The following TLN2 variants were observed in gnomAD, a reference collection of about 807,000 sequenced individuals.
TLN2 encodes talin-2.
TLN2 carries 118 observed loss-of-function variants against 294.7 expected under a neutral mutation model. The ratio of observed to expected loss-of-function variants is 0.40; its 90% confidence interval spans 0.34 to 0.47. The LOEUF is 0.47. TLN2 is among the 20% of genes least tolerant of loss of function. The pLI, the probability that TLN2 is intolerant of heterozygous loss-of-function variation, is 0.84. For synonymous variants in TLN2, 1,431 were observed against 1,304.5 expected, an observed-to-expected ratio of 1.10 and a Z score of -2.09; for missense variants, 3,083 against 3,282.2, an observed-to-expected ratio of 0.94 and a Z score of 1.48.
intron 32 of TLN2, among the ~76,000 whole-genome samples, chr15:62,743,563 C>T (rs1399741742): frequency 5.3e-5 from 8 of 152,040 alleles, no homozygotes; most frequent in Admixed American, 1.3e-4. Context: ...ATTTTCTTCC[C>T]GTGTAACTGT....
chr15:62,560,549 A>G (rs973287633), intron 1 of TLN2, among the ~76,000 whole-genome samples: 1 of 152,014 alleles, frequency 6.6e-6, no homozygotes, highest in Non-Finnish European at 1.5e-5. Flanking sequence ...CTGGTCTCGA[A>G]CTCTTGACCT....
chr15:62,551,809 A>T (rs2042328728), intron 1 of TLN2, among the ~76,000 whole-genome samples: 1 of 152,232 alleles, frequency 6.6e-6, no homozygotes, highest in Non-Finnish European at 1.5e-5. Context: ...TTTTCAGTAG[A>T]GCTTTTAACT....
At chr15:62,672,333 A>G (rs911255965) in intron 9 of TLN2, among the ~76,000 whole-genome samples, 9 of 152,170 alleles carry the variant, frequency 5.9e-5, no homozygotes, top group Non-Finnish European at 8.8e-5. Context: ...TTTTTAAAAA[A>G]ATCTTTGTAG....
rs1006297915 is a variant in TLN2, at chr15:62,557,992, C to A, written c.-237-31695C>A. Reference sequence around the variant, plus strand: ...AGTGGACTGCAGGGTTGTACAGCTCCTGATCTCATTGCCTATTTCAGCCAA... The same window carrying A: ...AGTGGACTGCAGGGTTGTACAGCTCATGATCTCATTGCCTATTTCAGCCAA... On this transcript the variant is annotated intron_variant, in intron 1 of 58. Coordinates refer to ENST00000636159, the MANE Select transcript of TLN2 (RefSeq NM_015059.3). Among the ~76,000 whole-genome samples the A allele has an allele frequency of 1.1e-4, 16 of 152,222 alleles. No individual in the cohort carries two copies. The South Asian group carries it at 2.3e-3, about 22-fold the overall frequency.
chr15:62,689,846 CTTTTTTTTTTTTTTTT>C lies in TLN2; in HGVS notation c.1114-2978_1114-2963del, dbSNP rs1158144919. 1.9e-3 allele frequency among the ~76,000 whole-genome samples: 30 copies of C among 15,416 alleles called. 1 individual carries two copies. Among genetic ancestry groups the C allele is most frequent in the South Asian group, 5.4e-3 (1 of 186 alleles). 10.1% of individuals were successfully genotyped at this position (15,416 alleles called of 152,430 possible). On this transcript the variant is annotated intron_variant, in intron 12 of 58. Transcript: ENST00000636159. ...TTTTCAAAATTCTTGGTATGGGCTT[CTTTTTTTTTTTTTTTT>C]TTTTTTTTTTTTTTTATTGGCTGAC...
chr15:62,767,883 C>G (rs1051432879), intron 41 of TLN2, among the ~76,000 whole-genome samples: 1 of 152,160 alleles, frequency 6.6e-6, no homozygotes, highest in Non-Finnish European at 1.5e-5. Flanking sequence ...CATGTCTCTG[C>G]GGATACTTCA....
At chr15:62,575,236 C>G (rs371650145) in intron 1 of TLN2, among the ~76,000 whole-genome samples, 6 of 152,258 alleles carry the variant, frequency 3.9e-5, no homozygotes, top group East Asian at 1.9e-4. Context: ...GGGAGGATCG[C>G]TTGAGCCTTG....
chr15:62,542,660 A>G (rs1213098587), intron 1 of TLN2, among the ~76,000 whole-genome samples: 1 of 152,040 alleles, frequency 6.6e-6, no homozygotes, highest in East Asian at 1.9e-4. Context: ...AAGTCCAACC[A>G]TGGGGTGTGT....
At position 62,748,343 on chromosome 15, in the gene TLN2, T is replaced by C. The variant is rs1379752945; in HGVS notation, c.4026-8T>C. On this transcript the variant is annotated splice_polypyrimidine_tract_variant and splice_region_variant and intron_variant, in intron 32 of 58. Transcript: ENST00000636159. ...AAAAAAAAAAAAAAAATTCTGTTTC[T>C]GTCACAGAGCTGTGACAGAGAGCAT... 1 of 1,591,300 alleles carries C rather than the reference T, an allele frequency of 6.3e-7. No individual in the cohort carries two copies.
At chr15:62,647,612 T>G (rs1247527277) in intron 4 of TLN2, among the ~76,000 whole-genome samples, 166 bp downstream of exon 4, 1 of 150,984 alleles carries the variant, frequency 6.6e-6, no homozygotes, top group Non-Finnish European at 1.5e-5. Context: ...GTGAGACTTG[T>G]GATTACAGTG....
intron 28 of TLN2, among the ~76,000 whole-genome samples, chr15:62,730,154 G>T (rs553111694): frequency 6.9e-6 from 1 of 144,756 alleles, no homozygotes; most frequent in South Asian, 2.3e-4. Flanking sequence ...TCAGCCTCCT[G>T]CCTCAGCCTC....
chr15:62,805,664 A>C lies in TLN2; in HGVS notation c.6542A>C (p.Lys2181Thr). Residue 2181 changes from lysine (K) to threonine (T), a missense_variant, in exon 51 of 59, where the codon AAA becomes ACA. Lys to Thr is a moderately conservative substitution (Grantham distance 78). Coordinates refer to ENST00000636159, the MANE Select transcript of TLN2 (RefSeq NM_015059.3). ...CCTGAAGAATCCATAAGGATGACGAAAGGCATCACCATGGCAACAGCCAAA... is the reference window on the plus strand; with the variant it reads ...CCTGAAGAATCCATAAGGATGACGACAGGCATCACCATGGCAACAGCCAAA... ...SSPEESIRMT[K>T]GITMATAKAV... 1 of 1,614,186 alleles carries C rather than the reference A, an allele frequency of 6.2e-7. No individual in the cohort carries two copies. The highest frequency in any genetic ancestry group is 8.5e-7 in the Non-Finnish European group (1 of 1,180,014).
chr15:62,395,047 C>T (rs921360682), intron 1 of TLN2, among the ~76,000 whole-genome samples: 2 of 152,122 alleles, frequency 1.3e-5, no homozygotes, highest in African/African-American at 4.8e-5. Flanking sequence ...ACTCTTTTAG[C>T]TGCAGTTTTA....
At chr15:62,783,266 C>T (rs2064339719) in intron 44 of TLN2, among the ~76,000 whole-genome samples, 1 of 152,236 alleles carries the variant, frequency 6.6e-6, no homozygotes, top group South Asian at 2.1e-4. Flanking sequence ...GCCCTGTCCT[C>T]ATGCCCTCTC....
chr15:62,575,503 T>C (rs1398724992), intron 1 of TLN2, among the ~76,000 whole-genome samples: 1 of 152,190 alleles, frequency 6.6e-6, no homozygotes, highest in African/African-American at 2.4e-5. Context: ...GTACTTACTG[T>C]GGACCAGTTA....
rs2070754539 is a variant in TLN2 at position 62,841,975 on chromosome 15, C to CTCTG, written c.*1368_*1369insGTCT. 1 of 151,852 alleles carries CTCTG rather than the reference C, an allele frequency of 6.6e-6. No homozygotes were observed. The allele number at this position is 151,852 out of a possible 1,614,324, so 9.4% of individuals were successfully genotyped here. A position where few individuals can be genotyped will look rare whatever the true frequency, so the allele number is the denominator to read the frequency against. Reference sequence around the variant, plus strand: ...AGGCACTCACCCTCCGCCTCTCTCTCTCTCTCTCTCTCTGGTGTGCTATCA... The same window carrying CTCTG: ...AGGCACTCACCCTCCGCCTCTCTCTCTCTGTCTCTCTCTCTCTGGTGTGCTATCA... On this transcript the variant is annotated 3_prime_UTR_variant, in exon 59 of 59. Transcript: ENST00000636159.
At chr15:62,699,615 A>T (rs1264724688) in intron 16 of TLN2, among the ~76,000 whole-genome samples, 1 of 152,172 alleles carries the variant, frequency 6.6e-6, no homozygotes, top group East Asian at 1.9e-4. Flanking sequence ...GACCAGCAGC[A>T]TTGGCAATTC....
At chr15:62,651,062 T>A (rs2052533593) in intron 5 of TLN2, among the ~76,000 whole-genome samples, 1 of 152,200 alleles carries the variant, frequency 6.6e-6, no homozygotes, top group East Asian at 1.9e-4. Context: ...TAGTAAAAAT[T>A]AAAAATATTT....
intron 32 of TLN2, among the ~76,000 whole-genome samples, chr15:62,747,742 C>A (rs980040712): frequency 1.6e-4 from 25 of 152,204 alleles, no homozygotes; most frequent in African/African-American, 5.8e-4. Context: ...CTAAACTTTA[C>A]CAACAGCCTA....
Sources: gnomAD v4.1 joint callset for allele counts (sites outside exome capture counted in the v4.1 genomes callset) on GRCh38, gnomAD v4.1.1 for gene constraint, MANE v1.5 for transcripts, NCBI Gene and HGNC (gene_info 2026-07-23, HGNC 2026-07-21) for gene names.